Variants in BBIP1 observed in about 807,000 individuals in gnomAD.
The protein encoded by BBIP1 is BBSome interacting protein 1.
BBIP1 carries 6 observed loss-of-function variants against 8.9 expected under a neutral mutation model. That is an observed-to-expected ratio of 0.67 (90% CI 0.37 to 1.33). The LOEUF is 1.33. Ranked by LOEUF, BBIP1 falls within the 40% of genes most tolerant of loss-of-function variation. The probability of loss-of-function intolerance (pLI) is 0.02; values close to 1 mark genes in which losing one functional copy is unlikely to be tolerated. For synonymous variants in BBIP1, 32 were observed against 33.4 expected (o/e 0.96, Z 0.14); for missense variants, 111 against 109.2 (o/e 1.02, Z -0.07).
In BBIP1 at chr10:110,899,719, C is replaced by T. The variant is rs149734425; in HGVS notation, c.*641G>A. On this transcript the variant is annotated 3_prime_UTR_variant, in exon 4 of 4. Transcript: ENST00000448814. The stretch of plus-strand genomic sequence containing the variant: ...GGCTGAGGCAGGAGAATTGCTTGAA[C>T]CTGGGAGGCAGAGGTTGCAGTGAGT... 7,083 of 151,830 alleles carry T rather than the reference C, an allele frequency of 0.047. 191 individuals are homozygous for T. The highest frequency in any genetic ancestry group is 0.064 in the Middle Eastern group (19 of 296). 9.4% of individuals were successfully genotyped at this position (151,830 alleles called of 1,614,324 possible). A position where few individuals can be genotyped will look rare whatever the true frequency, so the allele number is the denominator to read the frequency against.
intron 3 of BBIP1, 195 bp downstream of exon 3, chr10:110,901,343 G>C: frequency 1.8e-6 from 1 of 567,996 alleles, no homozygotes; most frequent in Non-Finnish European, 3.1e-6. Flanking sequence ...GGCAATTTTA[G>C]GTATAAGAAA....
chr10:110,919,085 T>A (rs1269227517), intron 1 of BBIP1, 36 bp downstream of exon 1: 1 of 152,788 alleles, frequency 6.5e-6, no homozygotes, highest in Non-Finnish European at 1.5e-5. Flanking sequence ...ACATGGGATG[T>A]GTGGTCACCC....
chr10:110,916,831 C>T (rs190060655), intron 2 of BBIP1, among the ~76,000 whole-genome samples: 4 of 152,318 alleles, frequency 2.6e-5, no homozygotes, highest in Admixed American at 2.6e-4. Flanking sequence ...ACCCAAGGCA[C>T]TAACACATAC....
chr10:110,903,862 T>C (rs748676565), intron 2 of BBIP1: 2 of 152,216 alleles, frequency 1.3e-5, no homozygotes, highest in African/African-American at 2.4e-5. Context: ...AACACAATGG[T>C]ATTTGTGTAT....
intron 2 of BBIP1, among the ~76,000 whole-genome samples, chr10:110,909,571 GA>G (rs917331921): frequency 1.3e-5 from 2 of 152,188 alleles, no homozygotes; most frequent in African/African-American, 4.8e-5. Flanking sequence ...GAAAGTCTTA[GA>G]AAAAGACAGA....
intron 2 of BBIP1, chr10:110,907,933 G>A (rs1590753034): frequency 3.4e-6 from 2 of 585,572 alleles, no homozygotes; most frequent in East Asian, 5.7e-5. Context: ...CAGGGGAGTT[G>A]AGTATATATT....
At chr10:110,903,190 TAAAC>T (rs1368154242) in intron 2 of BBIP1, 1 of 152,216 alleles carries the variant, frequency 6.6e-6, no homozygotes, top group Admixed American at 6.5e-5. Context: ...AAGTGGTAGA[TAAAC>T]AACTCTTAGC....
In BBIP1 at chr10:110,918,218, A is replaced by G; in HGVS notation, c.-56-5T>C. The G allele has an allele frequency of 7.3e-7, 1 of 1,366,760 alleles. No homozygotes were observed. Among genetic ancestry groups the G allele is most frequent in the South Asian group, 1.2e-5 (1 of 80,300 alleles). The allele number at this position is 1,366,760 out of a possible 1,614,324, so 84.7% of individuals were successfully genotyped here. On this transcript the variant is annotated splice_region_variant and splice_polypyrimidine_tract_variant and intron_variant, in intron 1 of 3. Coordinates refer to ENST00000448814, the MANE Select transcript of BBIP1 (RefSeq NM_001195305.3). ...GACTCAAGCATACAGAAGAAACTAC[A>G]AGATAATGTATGATAACTTTGTAAA...
Position 110,898,752 on chromosome 10 carries a change from T to C in BBIP1, c.*1608A>G. On this transcript the variant is annotated 3_prime_UTR_variant, in exon 4 of 4. Transcript: ENST00000448814. ...ATGTGAAGCAGTATTGATTCTTTAT[T>C]GGGAGTACATTTTTTTAGGTCTCTT... 1 of 152,610 alleles carries C rather than the reference T, an allele frequency of 6.6e-6. No homozygotes were observed. Among genetic ancestry groups the C allele is most frequent in the East Asian group, 1.9e-4 (1 of 5,190 alleles). 9.5% of individuals were successfully genotyped at this position (152,610 alleles called of 1,614,324 possible). A position where few individuals can be genotyped will look rare whatever the true frequency, so the allele number is the denominator to read the frequency against.
rs144533332 is a variant in BBIP1 at position 110,912,616 on chromosome 10, A to G, written c.37+5505T>C. 2.8e-4 allele frequency among the ~76,000 whole-genome samples: 43 copies of G among 152,366 alleles called. 1 individual carries two copies. The highest frequency in any genetic ancestry group is 1.0e-3 in the African/African-American group (43 of 41,588). ...TACTCATAACGTATACATATGGATC[A>G]GAAACATCAAAATGAAAACATATTG... On this transcript the variant is annotated intron_variant, in intron 2 of 3. Coordinates refer to ENST00000448814, the MANE Select transcript of BBIP1 (RefSeq NM_001195305.3).
At chr10:110,901,023 T>TA in intron 3 of BBIP1, 2 of 366,418 alleles carry the variant, frequency 5.5e-6, no homozygotes, top group South Asian at 2.1e-5. Context: ...TGGTAGCTCT[T>TA]ACCTGTTATC....
chr10:110,913,784 C>G (rs769356801), intron 2 of BBIP1, among the ~76,000 whole-genome samples: 14 of 152,180 alleles, frequency 9.2e-5, no homozygotes, highest in Non-Finnish European at 1.6e-4. Flanking sequence ...AGATTCTCAA[C>G]AAAAGCACCA....
At chr10:110,902,732 C>T (rs1260427196) in intron 2 of BBIP1, 1 of 152,220 alleles carries the variant, frequency 6.6e-6, no homozygotes, top group Non-Finnish European at 1.5e-5. Flanking sequence ...AGAACTTTGT[C>T]ATCAAACTTC....
intron 2 of BBIP1, chr10:110,904,802 A>G (rs1015080662): frequency 6.6e-6 from 1 of 152,224 alleles, no homozygotes; most frequent in Non-Finnish European, 1.5e-5. Flanking sequence ...AAATCATGGA[A>G]CATCCATAGA....
At chr10:110,911,914 A>G (rs1846287468) in intron 2 of BBIP1, 1 of 152,188 alleles carries the variant, frequency 6.6e-6, no homozygotes, top group African/African-American at 2.4e-5. Context: ...GAAGCCAACA[A>G]AGGCTGAAGT....
intron 3 of BBIP1, 157 bp downstream of exon 3, chr10:110,901,381 G>A (rs1184176414): frequency 3.3e-6 from 2 of 603,004 alleles, no homozygotes; most frequent in African/African-American, 3.7e-5. Flanking sequence ...TCCTTTTACT[G>A]GATGTCATGA....
intron 2 of BBIP1, among the ~76,000 whole-genome samples, chr10:110,912,693 G>A (rs1434373834): frequency 2.0e-5 from 3 of 152,058 alleles, no homozygotes; most frequent in Non-Finnish European, 2.9e-5. Flanking sequence ...ATGGGATTCG[G>A]ATGTTTTTAA....
At chr10:110,919,289 C>T (rs1466963320), upstream of BBIP1, 1 of 316,740 alleles carries the variant, frequency 3.2e-6, no homozygotes, top group African/African-American at 2.1e-5. Context: ...GGAGTTGTCA[C>T]TCTACCCTGC....
chr10:110,912,572 T>C (rs527384060), intron 2 of BBIP1, among the ~76,000 whole-genome samples: 2 of 152,184 alleles, frequency 1.3e-5, no homozygotes, highest in South Asian at 4.1e-4. Flanking sequence ...ATTACTAAAA[T>C]TCAAACTGCA....
Sources: allele counts gnomAD v4.1 joint callset (sites outside exome capture counted in the v4.1 genomes callset), GRCh38; gene constraint gnomAD v4.1.1; transcripts MANE v1.5; gene names NCBI Gene and HGNC (gene_info 2026-07-23, HGNC 2026-07-21).